EPC1: variants seen among roughly 807,000 people sequenced by gnomAD.
The protein encoded by EPC1 is enhancer of polycomb 1, also known as enhancer of polycomb homolog 1.
EPC1 carries 12 observed loss-of-function variants against 98.4 expected under a neutral mutation model. That is an observed-to-expected ratio of 0.12 (90% CI 0.08 to 0.20). The LOEUF is 0.20. Ranked by LOEUF, EPC1 falls within the 10% of genes least tolerant of loss-of-function variation. The probability of loss-of-function intolerance (pLI) is 1.00; values close to 1 mark genes in which losing one functional copy is unlikely to be tolerated. For missense variants in EPC1, 729 were observed against 990.5 expected (o/e 0.74, Z 3.54); for synonymous variants, 357 against 363.9 (o/e 0.98, Z 0.21).
At chr10:32,323,564 G>A (rs2370726) in intron 1 of EPC1, among the ~76,000 whole-genome samples, 44,433 of 152,064 alleles carry the variant, frequency 0.29, 6,631 homozygotes, top group South Asian at 0.4. Flanking sequence ...TAAAAGATAT[G>A]ATACTATTCA....
chr10:32,305,746 C>G, intron 2 of EPC1, 26 bp downstream of exon 2: 1 of 1,533,436 alleles, frequency 6.5e-7, no homozygotes, highest in Non-Finnish European at 8.7e-7. Flanking sequence ...ATAGAAAATA[C>G]AATCATTAAG....
At chr10:32,285,197 G>A (rs924872394) in intron 9 of EPC1, 147 bp from the exon 10 acceptor site, 12 of 583,540 alleles carry the variant, frequency 2.1e-5, no homozygotes, top group Non-Finnish European at 2.9e-5. Flanking sequence ...TTAGTGTTTG[G>A]TTTTTATAGG....
intron 1 of EPC1, among the ~76,000 whole-genome samples, chr10:32,330,084 T>C (rs117133955): frequency 2.0e-3 from 302 of 152,332 alleles, no homozygotes; most frequent in Middle Eastern, 0.01. Context: ...TAGTATATAA[T>C]GCCACTTTGA....
At position 32,275,688 on chromosome 10, in the gene EPC1, T is replaced by G. The variant is rs571006914; in HGVS notation, c.1745-2407A>C. 3.6e-3 allele frequency among the ~76,000 whole-genome samples: 542 copies of G among 150,784 alleles called. 3 individuals carry two copies. The highest frequency in any genetic ancestry group is 0.013 in the African/African-American group (517 of 40,970). On this transcript the variant is annotated intron_variant, in intron 10 of 13. Transcript: ENST00000319778. ...TAGTTGGGAGGCTGAGGCAGGAGAA[T>G]GGTGTGAACCCGGGAGGCGAAGCTT...
At chr10:32,367,109 C>T (rs1296887760) in intron 1 of EPC1, among the ~76,000 whole-genome samples, 1 of 152,202 alleles carries the variant, frequency 6.6e-6, no homozygotes, top group African/African-American at 2.4e-5. Context: ...GATTCTCCTG[C>T]CTCAGCCTCC....
chr10:32,284,437 G>A, intron 10 of EPC1: 1 of 327,052 alleles, frequency 3.1e-6, no homozygotes, highest in Non-Finnish European at 5.5e-6. Flanking sequence ...GTGGTTCACG[G>A]ACTATATCCA....
At chr10:32,306,735 C>G (rs1887534) in intron 1 of EPC1, among the ~76,000 whole-genome samples, 1 of 152,140 alleles carries the variant, frequency 6.6e-6, no homozygotes, top group Non-Finnish European at 1.5e-5. Flanking sequence ...AAAATAAGTT[C>G]TGGTTTAGCC....
At chr10:32,316,058 T>C (rs1346228355) in intron 1 of EPC1, among the ~76,000 whole-genome samples, 1 of 152,220 alleles carries the variant, frequency 6.6e-6, no homozygotes, top group Non-Finnish European at 1.5e-5. Context: ...CCTTACTGTT[T>C]GTCAATCTTG....
intron 10 of EPC1, among the ~76,000 whole-genome samples, chr10:32,274,834 TAA>T (rs1298762767): frequency 1.3e-5 from 2 of 152,172 alleles, no homozygotes; most frequent in Non-Finnish European, 2.9e-5. Flanking sequence ...GAAGAAAATC[TAA>T]AAAAGTCAAT....
intron 2 of EPC1, among the ~76,000 whole-genome samples, chr10:32,302,143 T>G (rs1241357885): frequency 1.3e-5 from 2 of 151,308 alleles, no homozygotes; most frequent in Non-Finnish European, 2.9e-5. Flanking sequence ...CCTGGTGGCA[T>G]GCGCCTGTGG....
chr10:32,323,025 T>C (rs1476275288), intron 1 of EPC1, among the ~76,000 whole-genome samples: 1 of 152,038 alleles, frequency 6.6e-6, no homozygotes. Context: ...TGATAAATGC[T>C]TGAGGTGATG....
At chr10:32,301,222 TA>T (rs1416994622) in intron 2 of EPC1, among the ~76,000 whole-genome samples, 1 of 152,116 alleles carries the variant, frequency 6.6e-6, no homozygotes, top group Non-Finnish European at 1.5e-5. Context: ...ATAAATCTAA[TA>T]AAACATGTGC....
intron 1 of EPC1, among the ~76,000 whole-genome samples, chr10:32,334,365 C>A (rs1837824918): frequency 6.6e-6 from 1 of 151,648 alleles, no homozygotes; most frequent in Admixed American, 6.6e-5. Context: ...ACTTAAGGAA[C>A]ATCCAAGAAG....
intron 1 of EPC1, among the ~76,000 whole-genome samples, chr10:32,337,890 A>G (rs1468431886): frequency 6.6e-6 from 1 of 151,976 alleles, no homozygotes; most frequent in Non-Finnish European, 1.5e-5. Flanking sequence ...CCATACTTTC[A>G]TCTTCTCAGT....
intron 1 of EPC1, among the ~76,000 whole-genome samples, chr10:32,319,989 A>T (rs559570710): frequency 1.7e-4 from 26 of 152,284 alleles, no homozygotes; most frequent in African/African-American, 6.3e-4. Flanking sequence ...GACATCCATG[A>T]AACTATTTAG....
upstream of EPC1, chr10:32,347,288 A>T (rs879170258): frequency 1.1e-6 from 1 of 881,648 alleles, no homozygotes; most frequent in Non-Finnish European, 1.4e-6. Flanking sequence ...AACCCCCGGC[A>T]CCCGCCGGCC....
chr10:32,363,461 G>A (rs1839502698), intron 1 of EPC1, among the ~76,000 whole-genome samples: 1 of 151,988 alleles, frequency 6.6e-6, no homozygotes. Context: ...CCTGAGCCAG[G>A]TTCTAATTAC....
At chr10:32,360,276 T>C (rs552886508) in intron 1 of EPC1, among the ~76,000 whole-genome samples, 1 of 152,350 alleles carries the variant, frequency 6.6e-6, no homozygotes, top group East Asian at 1.9e-4. Flanking sequence ...ATCATGTATA[T>C]GTCTACAAGG....
chr10:32,333,089 C>A (rs1420713164), intron 1 of EPC1, among the ~76,000 whole-genome samples: 1 of 152,166 alleles, frequency 6.6e-6, no homozygotes, highest in African/African-American at 2.4e-5. Context: ...CGCCTGTAAT[C>A]CCAGCACTTT....
Sources: allele counts gnomAD v4.1 joint callset (sites outside exome capture counted in the v4.1 genomes callset), GRCh38; gene constraint gnomAD v4.1.1; transcripts MANE v1.5; gene names NCBI Gene and HGNC (gene_info 2026-07-23, HGNC 2026-07-21).